Variants in CTNNA2 observed in about 807,000 individuals in gnomAD.
CTNNA2 encodes the protein catenin alpha-2.
A neutral mutation model predicts 101.0 loss-of-function variants in CTNNA2; 42 were observed. The observed-to-expected ratio is 0.42, with a 90% CI of 0.32 to 0.54. The LOEUF is 0.54. CTNNA2 is among the 20% of genes least tolerant of loss of function. The pLI is 0.14. For missense variants in CTNNA2, 871 were observed against 1,223.1 expected, an observed-to-expected ratio of 0.71 and a Z score of 4.29; for synonymous variants, 450 against 456.4, an observed-to-expected ratio of 0.99 and a Z score of 0.18.
intron 12 of CTNNA2, 122 bp from the exon 13 acceptor site, chr2:80,574,041 A>C: frequency 1.1e-6 from 1 of 940,710 alleles, no homozygotes; most frequent in Non-Finnish European, 1.6e-6. Flanking sequence ...AACTGGACAG[A>C]TGAGTGTCTT....
chr2:80,535,373 C>A lies in CTNNA2; in HGVS notation c.1291-9609C>A, dbSNP rs183018166. On this transcript the variant is annotated intron_variant, in intron 9 of 18. Transcript: ENST00000402739. ...AAATATATTTTCACTTTTATAGTGA[C>A]CTTTCAATAAATTGCATCTTATGGC... 2.6e-5 allele frequency among the ~76,000 whole-genome samples: 4 copies of A among 152,230 alleles called. No homozygotes were observed. The East Asian group carries it at 7.7e-4, about 29-fold the overall frequency.
rs961732973 is a variant in CTNNA2, at chr2:80,648,653, T to C, written c.*781T>C. ...AGAAATAGAAGGCCCAGTGGTGGAA[T>C]ATTAGAGGGAAGGAAACTGACAACG... On this transcript the variant is annotated 3_prime_UTR_variant, in exon 19 of 19. Coordinates refer to ENST00000402739, the MANE Select transcript of CTNNA2 (RefSeq NM_001282597.3). 9.3e-5 allele frequency: 14 copies of C among 151,300 alleles called. No individual in the cohort carries two copies. The highest frequency in any genetic ancestry group is 3.4e-4 in the African/African-American group (14 of 41,202). The allele number at this position is 151,300 out of a possible 1,614,324, so 9.4% of individuals were successfully genotyped here.
rs369268407 is a variant in CTNNA2, at chr2:79,280,623, CTGTGTGTGTGTGTGTG to C, written c.-405-32068_-405-32053del. Reference sequence around the variant, plus strand: ...AGTTGCCCAGCATTCATCCTGTATGCTGTGTGTGTGTGTGTGTGTGTGTGTGTGTGTGTAAGAGAAA... The same window carrying C: ...AGTTGCCCAGCATTCATCCTGTATGCTGTGTGTGTGTGTGTGTAAGAGAAA... On this transcript the variant is annotated intron_variant, in intron 2 of 21. Transcript: ENST00000466387. 4.6e-5 allele frequency among the ~76,000 whole-genome samples: 6 copies of C among 129,198 alleles called. No homozygotes were observed. In the East Asian group the frequency reaches 7.2e-4, roughly 16 times the overall value. The allele number at this position is 129,198 out of a possible 152,430, so 84.8% of individuals were successfully genotyped here. A position where few individuals can be genotyped will look rare whatever the true frequency, so the allele number is the denominator to read the frequency against.
chr2:79,639,098 T>A (rs111637608), intron 1 of CTNNA2, among the ~76,000 whole-genome samples: 20 of 152,328 alleles, frequency 1.3e-4, no homozygotes, highest in African/African-American at 4.8e-4. Flanking sequence ...GTTACCTGGG[T>A]ACTGCCTGAT....
intron 7 of CTNNA2, among the ~76,000 whole-genome samples, chr2:80,054,730 C>T (rs1697110094): frequency 6.6e-6 from 1 of 152,156 alleles, no homozygotes; most frequent in Non-Finnish European, 1.5e-5. Flanking sequence ...ACCTGAGGCT[C>T]TGACCCTTAG....
chr2:79,590,955 C>T (rs1245177615), intron 1 of CTNNA2, among the ~76,000 whole-genome samples: 2 of 152,150 alleles, frequency 1.3e-5, no homozygotes, highest in Non-Finnish European at 1.5e-5. Flanking sequence ...GTTCTAAGCA[C>T]AAGGACTGAA....
intron 7 of CTNNA2, among the ~76,000 whole-genome samples, chr2:80,230,257 TTTG>T (rs1709119926): frequency 9.4e-6 from 1 of 106,758 alleles, no homozygotes; most frequent in Non-Finnish European, 1.9e-5. Flanking sequence ...TTTTTTTTTC[TTTG>T]TTTTTTTTTT....
chr2:79,906,349 G>A (rs1166338529), intron 6 of CTNNA2, among the ~76,000 whole-genome samples: 1 of 151,892 alleles, frequency 6.6e-6, no homozygotes, highest in Non-Finnish European at 1.5e-5. Flanking sequence ...CTCTTCCCGT[G>A]CACATGTGCA....
intron 1 of CTNNA2, among the ~76,000 whole-genome samples, chr2:79,559,709 C>T: frequency 6.6e-6 from 1 of 151,712 alleles, no homozygotes; most frequent in East Asian, 1.9e-4. Context: ...ACTAGTAGTT[C>T]TATCTAGCAG....
intron 1 of CTNNA2, among the ~76,000 whole-genome samples, chr2:79,192,710 A>G (rs1357706726): frequency 6.6e-6 from 1 of 152,176 alleles, no homozygotes; most frequent in Non-Finnish European, 1.5e-5. Context: ...TGAATGACAG[A>G]TGCTGTGCTT....
Position 79,963,097 on chromosome 2 carries a change from T to A in CTNNA2, c.1056+53300T>A, listed in dbSNP as rs927969230. On this transcript the variant is annotated intron_variant, in intron 7 of 18. Coordinates refer to ENST00000402739, the MANE Select transcript of CTNNA2 (RefSeq NM_001282597.3). ...AAAAAAAAAAAAAAAAAAAAAAAAA[T>A]GTTACACAAAATTGTGTCTCACATA... is the stretch of plus-strand genomic sequence containing the variant. Among the ~76,000 whole-genome samples, 61 of 126,856 alleles carry A rather than the reference T, an allele frequency of 4.8e-4. 1 individual carries two copies. The highest frequency in any genetic ancestry group is 9.6e-4 in the African/African-American group (33 of 34,232). 83.2% of individuals were successfully genotyped at this position (126,856 alleles called of 152,430 possible).
intron 2 of CTNNA2, among the ~76,000 whole-genome samples, chr2:79,271,080 G>A (rs1027451991): frequency 1.3e-5 from 2 of 152,098 alleles, no homozygotes; most frequent in African/African-American, 4.8e-5. Context: ...CTTTGGAAAA[G>A]TTATGAGACA....
intron 12 of CTNNA2, among the ~76,000 whole-genome samples, chr2:80,559,888 A>ATATT (rs1693403375): frequency 1.4e-5 from 2 of 144,388 alleles, no homozygotes; most frequent in Non-Finnish European, 3.1e-5. Context: ...TTATATATAT[A>ATATT]TATACACACA....
At chr2:79,462,343 A>T (rs1218118539) in intron 4 of CTNNA2, among the ~76,000 whole-genome samples, 1 of 152,244 alleles carries the variant, frequency 6.6e-6, no homozygotes, top group African/African-American at 2.4e-5. Context: ...TTATCTAGAG[A>T]TTCAAAGAAA....
chr2:79,882,831 A>T (rs557149434), intron 6 of CTNNA2, among the ~76,000 whole-genome samples: 1 of 152,196 alleles, frequency 6.6e-6, no homozygotes, highest in East Asian at 1.9e-4. Flanking sequence ...TGCCTGTAGC[A>T]TGGGTTTGCA....
intron 2 of CTNNA2, among the ~76,000 whole-genome samples, chr2:79,227,457 A>T (rs988940645): frequency 7.9e-5 from 12 of 152,180 alleles, no homozygotes; most frequent in Admixed American, 7.2e-4. Flanking sequence ...ATTGAATGAG[A>T]TAATATGCGT....
intron 9 of CTNNA2, among the ~76,000 whole-genome samples, chr2:80,490,288 C>CCCCCCCG (rs201732088): frequency 3.1e-5 from 3 of 97,906 alleles, no homozygotes; most frequent in African/African-American, 8.9e-5. Flanking sequence ...CCACCCCCCC[C>CCCCCCCG]CCGGTAAAGC....
In CTNNA2 at chr2:80,581,837, A is replaced by T. The variant is rs962912783; in HGVS notation, c.2007+18A>T. The T allele has an allele frequency of 5.4e-6, 8 of 1,491,096 alleles. No homozygotes were observed. The highest frequency in any genetic ancestry group is 7.5e-6 in the Non-Finnish European group (8 of 1,068,518). 92.4% of individuals were successfully genotyped at this position (1,491,096 alleles called of 1,614,324 possible). ...GCGCACGGGTGAGTGGACACCTAAG[A>T]CTTTGGCTTGGCACACAGGGACCGT... is the stretch of plus-strand genomic sequence containing the variant. On this transcript the variant is annotated intron_variant, in intron 14 of 18. Transcript: ENST00000402739.
chr2:80,585,955 G>A (rs1221265638), intron 14 of CTNNA2, among the ~76,000 whole-genome samples: 3 of 152,128 alleles, frequency 2.0e-5, no homozygotes, highest in Non-Finnish European at 4.4e-5. Flanking sequence ...TATTATGCAG[G>A]TCGAGCACCC....
Sources: gnomAD v4.1 joint callset for allele counts (sites outside exome capture counted in the v4.1 genomes callset) on GRCh38, gnomAD v4.1.1 for gene constraint, MANE v1.5 for transcripts, NCBI Gene and HGNC (gene_info 2026-07-23, HGNC 2026-07-21) for gene names.